DGKG: variants seen among roughly 807,000 people sequenced by gnomAD.
DGKG encodes diacylglycerol kinase gamma.
In DGKG, 78 loss-of-function variants were observed where a neutral mutation model predicts 105.3. That is an observed-to-expected ratio of 0.74 (90% confidence interval 0.62 to 0.89). DGKG has a LOEUF of 0.89. Among genes scored for constraint, DGKG ranks in the 40% least tolerant of loss-of-function variants. DGKG has a pLI of 0.00. For synonymous variants in DGKG, 346 were observed against 367.1 expected (o/e 0.94, Z 0.66); for missense variants, 958 against 1,020.1 (o/e 0.94, Z 0.83).
chr3:186,356,535 T>A (rs145781599), intron 1 of DGKG, among the ~76,000 whole-genome samples: 1 of 152,190 alleles, frequency 6.6e-6, no homozygotes. Flanking sequence ...ATGGTATAGA[T>A]TCTTAATTAG....
At chr3:186,160,053 G>A in intron 24 of DGKG, 2 of 407,678 alleles carry the variant, frequency 4.9e-6, no homozygotes, top group Non-Finnish European at 6.6e-6. Flanking sequence ...ATAAATTTCT[G>A]TTGTTTAAGC....
intron 2 of DGKG, among the ~76,000 whole-genome samples, chr3:186,315,440 T>G (rs1329015813): frequency 1.3e-5 from 2 of 152,162 alleles, no homozygotes; most frequent in African/African-American, 4.8e-5. Context: ...CATAATGTGG[T>G]TGTGAGGCCC....
At chr3:186,185,140 C>T (rs1458808549) in intron 22 of DGKG, among the ~76,000 whole-genome samples, 1 of 152,218 alleles carries the variant, frequency 6.6e-6, no homozygotes, top group African/African-American at 2.4e-5. Context: ...AGTCTTCTGA[C>T]TCCCAGGCGA....
intron 5 of DGKG, among the ~76,000 whole-genome samples, chr3:186,297,068 T>TCTCTCACACACACACACACACACA (rs1452573661): frequency 7.7e-6 from 1 of 130,420 alleles, no homozygotes; most frequent in Admixed American, 7.9e-5. Flanking sequence ...TCTGTCTCTC[T>TCTCTCACACACACACACACACACA]CACACACACA....
intron 2 of DGKG, among the ~76,000 whole-genome samples, chr3:186,308,847 T>C (rs1457922257): frequency 6.6e-6 from 1 of 152,240 alleles, no homozygotes; most frequent in Non-Finnish European, 1.5e-5. Flanking sequence ...GTGGTACTAA[T>C]AGCTGTCCCT....
rs1436945532 is a variant in DGKG, at chr3:186,149,297, G to A, written c.*793C>T. On this transcript the variant is annotated 3_prime_UTR_variant, in exon 25 of 25. Coordinates refer to ENST00000265022, the MANE Select transcript of DGKG (RefSeq NM_001346.3). ...ACACCAATTTGAAAAATAAATCCCAGTTTCTCCGCTCTCCCTCCCAGGTGT... is the reference window on the plus strand; with the variant it reads ...ACACCAATTTGAAAAATAAATCCCAATTTCTCCGCTCTCCCTCCCAGGTGT... 1.3e-4 allele frequency: 132 copies of A among 984,908 alleles called. No individual in the cohort carries two copies. Among genetic ancestry groups the A allele is most frequent in the Non-Finnish European group, 1.6e-4 (129 of 829,866 alleles). 61.0% of individuals were successfully genotyped at this position (984,908 alleles called of 1,614,324 possible).
At chr3:186,255,108 C>G (rs1721399867) in intron 17 of DGKG, among the ~76,000 whole-genome samples, 1 of 152,256 alleles carries the variant, frequency 6.6e-6, no homozygotes, top group Non-Finnish European at 1.5e-5. Flanking sequence ...GAAATGATCT[C>G]TTTGTACTCT....
At chr3:186,162,870 G>C (rs1716366669) in intron 23 of DGKG, among the ~76,000 whole-genome samples, 1 of 152,030 alleles carries the variant, frequency 6.6e-6, no homozygotes, top group Non-Finnish European at 1.5e-5. Flanking sequence ...AAAATCTCCT[G>C]AATAAGCACA....
chr3:186,265,386 G>A (rs182383890), intron 13 of DGKG, 80 bp from the exon 14 acceptor site: 10 of 1,291,726 alleles, frequency 7.7e-6, no homozygotes, highest in South Asian at 2.4e-5. Flanking sequence ...AAAAACAAAC[G>A]GCTGATATAA....
chr3:186,185,564 T>C (rs771483478), intron 22 of DGKG, among the ~76,000 whole-genome samples: 13 of 151,396 alleles, frequency 8.6e-5, no homozygotes, highest in Non-Finnish European at 1.6e-4. Flanking sequence ...GCAGGGAGGG[T>C]GGTGGTGGGG....
intron 21 of DGKG, among the ~76,000 whole-genome samples, chr3:186,198,755 C>T (rs1462523626): frequency 6.6e-6 from 1 of 152,224 alleles, no homozygotes. Flanking sequence ...GAAGTAGTTA[C>T]CTGCATGTCT....
rs772607716 is a variant in DGKG, at chr3:186,251,745, T to G, written c.1761+14A>C. ...TTCCCTTCCATACAGAAAGGTGATC[T>G]TTGACCAACTCACCACACCAATGGA... is the stretch of plus-strand genomic sequence containing the variant. On this transcript the variant is annotated intron_variant, in intron 19 of 24. Coordinates refer to ENST00000265022, the MANE Select transcript of DGKG (RefSeq NM_001346.3). The G allele has an allele frequency of 1.7e-5, 27 of 1,614,020 alleles. No homozygotes were observed. Among genetic ancestry groups the G allele is most frequent in the Middle Eastern group, 3.3e-4 (2 of 6,082 alleles).
intron 2 of DGKG, among the ~76,000 whole-genome samples, chr3:186,307,408 A>C (rs1724300554): frequency 6.6e-6 from 1 of 152,122 alleles, no homozygotes. Context: ...GCACTCTCTC[A>C]TGATGTTTCT....
At chr3:186,341,967 GA>G (rs1414552410) in intron 1 of DGKG, among the ~76,000 whole-genome samples, 4 of 152,180 alleles carry the variant, frequency 2.6e-5, no homozygotes, top group Non-Finnish European at 4.4e-5. Context: ...ATTGAACAAT[GA>G]GGACACATGG....
chr3:186,229,349 G>C (rs544800093), intron 20 of DGKG, among the ~76,000 whole-genome samples: 19 of 151,482 alleles, frequency 1.3e-4, no homozygotes, highest in Middle Eastern at 3.4e-3. Flanking sequence ...CAAGTGATTC[G>C]CATGCCTCAG....
chr3:186,162,763 C>T (rs1001225017), intron 23 of DGKG, among the ~76,000 whole-genome samples: 3 of 151,962 alleles, frequency 2.0e-5, no homozygotes, highest in Non-Finnish European at 4.4e-5. Flanking sequence ...AGGATGGTCT[C>T]GATCTCCTGA....
At chr3:186,360,623 C>T (rs761636808) in intron 1 of DGKG, among the ~76,000 whole-genome samples, 4 of 152,152 alleles carry the variant, frequency 2.6e-5, no homozygotes, top group Non-Finnish European at 5.9e-5. Flanking sequence ...GGTTCATGAC[C>T]AAACCTCGAC....
intron 1 of DGKG, among the ~76,000 whole-genome samples, chr3:186,336,695 A>T (rs1725847061): frequency 6.6e-6 from 1 of 152,160 alleles, no homozygotes; most frequent in African/African-American, 2.4e-5. Flanking sequence ...TTGTTGAAAA[A>T]TCTAATAAAA....
rs1560069633 is a variant in DGKG at position 186,147,395 on chromosome 3, C to A, written c.*2695G>T. 1.0e-6 allele frequency: 1 copy of A among 979,150 alleles called. No homozygotes were observed. Among genetic ancestry groups the A allele is most frequent in the Non-Finnish European group, 1.2e-6 (1 of 824,032 alleles). The allele number at this position is 979,150 out of a possible 1,614,324, so 60.7% of individuals were successfully genotyped here. A position where few individuals can be genotyped will look rare whatever the true frequency, so the allele number is the denominator to read the frequency against. On this transcript the variant is annotated 3_prime_UTR_variant, in exon 25 of 25. Coordinates refer to ENST00000265022, the MANE Select transcript of DGKG (RefSeq NM_001346.3). ...CCTCATTGAGATCGAGATAATAATA[C>A]CTTCTCTGCTAACCTCAGAGGTTGC...
Sources: allele counts gnomAD v4.1 joint callset (sites outside exome capture counted in the v4.1 genomes callset), GRCh38; gene constraint gnomAD v4.1.1; transcripts MANE v1.5; gene names NCBI Gene and HGNC (gene_info 2026-07-23, HGNC 2026-07-21).